Variants in L3MBTL4 observed in about 807,000 individuals in gnomAD.
L3MBTL4 encodes the protein L3MBTL histone methyl-lysine binding protein 4.
L3MBTL4 carries 70 observed loss-of-function variants against 84.5 expected under a neutral mutation model. The observed-to-expected ratio is 0.83, with a 90% confidence interval of 0.68 to 1.01. The LOEUF (loss-of-function observed/expected upper bound fraction) is 1.01. L3MBTL4 is among the 50% of genes least tolerant of loss of function. L3MBTL4 has a pLI of 0.00. For missense variants in L3MBTL4, 715 were observed against 754.8 expected (o/e 0.95, Z 0.62); for synonymous variants, 274 against 259.8 (o/e 1.05, Z -0.52).
chr18:6,272,535 A>G (rs1230697995), intron 4 of L3MBTL4, among the ~76,000 whole-genome samples: 1 of 67,230 alleles, frequency 1.5e-5, no homozygotes, highest in South Asian at 4.5e-4. Flanking sequence ...TGCAGATTCA[A>G]CTAGGACTGA....
chr18:6,001,710 T>G (rs1032754593), intron 16 of L3MBTL4, among the ~76,000 whole-genome samples: 1 of 152,044 alleles, frequency 6.6e-6, no homozygotes, highest in Non-Finnish European at 1.5e-5. Flanking sequence ...AATTAGTGAA[T>G]TTGAAGATAA....
chr18:6,339,246 T>C (rs977034355), intron 1 of L3MBTL4, among the ~76,000 whole-genome samples: 6 of 152,198 alleles, frequency 3.9e-5, no homozygotes, highest in African/African-American at 1.2e-4. Flanking sequence ...TGACTATGTA[T>C]GCTGGGTCAT....
intron 14 of L3MBTL4, among the ~76,000 whole-genome samples, chr18:6,097,347 A>G (rs2058673939): frequency 6.6e-6 from 1 of 152,236 alleles, no homozygotes; most frequent in African/African-American, 2.4e-5. Context: ...TTAATATCTG[A>G]TGACAAATGA....
intron 17 of L3MBTL4, among the ~76,000 whole-genome samples, chr18:5,964,240 G>A (rs764282641): frequency 2.4e-4 from 37 of 152,340 alleles, no homozygotes; most frequent in Admixed American, 1.7e-3. Context: ...TGGGGAGACT[G>A]GGAGGGATGA....
chr18:6,143,763 G>A (rs2060263205), intron 13 of L3MBTL4, among the ~76,000 whole-genome samples: 1 of 152,078 alleles, frequency 6.6e-6, no homozygotes, highest in Non-Finnish European at 1.5e-5. Flanking sequence ...TCTATCACCT[G>A]TCTCCCTTCA....
chr18:6,091,147 A>T (rs1358229615), intron 15 of L3MBTL4, among the ~76,000 whole-genome samples: 1 of 152,182 alleles, frequency 6.6e-6, no homozygotes, highest in Non-Finnish European at 1.5e-5. Context: ...ACAGTACTAC[A>T]AGTAAGCTGT....
At chr18:6,058,463 AG>A (rs2057099424) in intron 16 of L3MBTL4, among the ~76,000 whole-genome samples, 1 of 152,052 alleles carries the variant, frequency 6.6e-6, no homozygotes. Flanking sequence ...ACTATGAATC[AG>A]GGAAGTTTTT....
At chr18:6,158,099 G>A (rs1461509717) in intron 13 of L3MBTL4, among the ~76,000 whole-genome samples, 3 of 152,142 alleles carry the variant, frequency 2.0e-5, no homozygotes, top group Non-Finnish European at 4.4e-5. Context: ...TGCATTATGT[G>A]ACTAACCAAC....
intron 3 of L3MBTL4, among the ~76,000 whole-genome samples, chr18:6,303,204 C>T (rs2050421893): frequency 6.6e-6 from 1 of 152,026 alleles, no homozygotes; most frequent in African/African-American, 2.4e-5. Context: ...CGGCTCACTG[C>T]AACCACCACC....
At chr18:6,393,150 G>A (rs186390667) in intron 1 of L3MBTL4, among the ~76,000 whole-genome samples, 16 of 152,234 alleles carry the variant, frequency 1.1e-4, no homozygotes, top group East Asian at 3.9e-4. Context: ...TAATTTATGC[G>A]AATTCAACGG....
chr18:5,962,608 T>C (rs1200716002), intron 17 of L3MBTL4, among the ~76,000 whole-genome samples: 1 of 152,096 alleles, frequency 6.6e-6, no homozygotes, highest in Non-Finnish European at 1.5e-5. Context: ...ACCACACAGA[T>C]GATAAATTAA....
intron 1 of L3MBTL4, chr18:6,399,712 A>G (rs1312825527): frequency 6.6e-6 from 1 of 152,262 alleles, no homozygotes; most frequent in Non-Finnish European, 1.5e-5. Flanking sequence ...GAGAATTAAC[A>G]GAGCAAATGT....
chr18:6,275,207 C>G (rs1035731934), intron 4 of L3MBTL4, among the ~76,000 whole-genome samples: 1 of 152,122 alleles, frequency 6.6e-6, no homozygotes, highest in East Asian at 1.9e-4. Flanking sequence ...GCCTAGTGAC[C>G]TGCAGCATTT....
At chr18:6,238,121 A>G in intron 9 of L3MBTL4, 81 bp from the exon 10 acceptor site, 1 of 1,220,974 alleles carries the variant, frequency 8.2e-7, no homozygotes, top group Non-Finnish European at 1.2e-6. Context: ...CATTCTGGAT[A>G]TCAACAGATA....
chr18:6,088,507 G>A (rs1200318449), intron 15 of L3MBTL4, among the ~76,000 whole-genome samples: 1 of 152,138 alleles, frequency 6.6e-6, no homozygotes, highest in Non-Finnish European at 1.5e-5. Context: ...TACCAAGAAA[G>A]GAAACAAAGG....
At chr18:6,076,855 A>C (rs2057870228) in intron 16 of L3MBTL4, among the ~76,000 whole-genome samples, 1 of 152,202 alleles carries the variant, frequency 6.6e-6, no homozygotes, top group South Asian at 2.1e-4. Context: ...TTCTAGCTGA[A>C]CTTTCCACAA....
chr18:6,294,198 T>C (rs1392512800), intron 4 of L3MBTL4, among the ~76,000 whole-genome samples: 1 of 152,162 alleles, frequency 6.6e-6, no homozygotes, highest in Admixed American at 6.6e-5. Flanking sequence ...ATTTGCAGCC[T>C]TTTTTATAAG....
intron 13 of L3MBTL4, among the ~76,000 whole-genome samples, chr18:6,164,766 C>A (rs1371460373): frequency 6.6e-6 from 1 of 152,226 alleles, no homozygotes; most frequent in African/African-American, 2.4e-5. Context: ...CCTAAAAAAT[C>A]AGAGTGCCTC....
intron 10 of L3MBTL4, among the ~76,000 whole-genome samples, chr18:6,227,108 G>C (rs1160314760): frequency 6.6e-6 from 1 of 152,136 alleles, no homozygotes; most frequent in Non-Finnish European, 1.5e-5. Context: ...CATTCTATAA[G>C]TGTGTGCACC....
Sources: gnomAD v4.1 joint callset for allele counts (sites outside exome capture counted in the v4.1 genomes callset) on GRCh38, gnomAD v4.1.1 for gene constraint, MANE v1.5 for transcripts, NCBI Gene and HGNC (gene_info 2026-07-23, HGNC 2026-07-21) for gene names.